CDKAL1: variants seen among roughly 807,000 people sequenced by gnomAD.
CDKAL1 encodes threonylcarbamoyladenosine tRNA methylthiotransferase.
In CDKAL1, 32 loss-of-function variants were observed where a neutral mutation model predicts 68.2. The ratio of observed to expected loss-of-function variants is 0.47; its 90% confidence interval spans 0.35 to 0.63. The LOEUF is 0.63. Among genes scored for constraint, CDKAL1 ranks in the 30% least tolerant of loss-of-function variants. The probability of loss-of-function intolerance (pLI) is 0.00; values close to 1 mark genes in which losing one functional copy is unlikely to be tolerated. For synonymous variants in CDKAL1, 234 were observed against 244.3 expected (o/e 0.96, Z 0.39); for missense variants, 606 against 696.7 (o/e 0.87, Z 1.47).
chr6:20,619,627 C>T (rs1767086733), intron 4 of CDKAL1, among the ~76,000 whole-genome samples: 1 of 152,074 alleles, frequency 6.6e-6, no homozygotes, highest in South Asian at 2.1e-4. Flanking sequence ...TTCATATATC[C>T]AATTTGACTG....
chr6:20,617,351 A>G (rs1186676826), intron 4 of CDKAL1, among the ~76,000 whole-genome samples: 3 of 152,228 alleles, frequency 2.0e-5, no homozygotes, highest in Admixed American at 6.5e-5. Context: ...TCAGTGGTTA[A>G]GTATAGCCAA....
At chr6:21,056,155 G>A (rs570321658) in intron 11 of CDKAL1, among the ~76,000 whole-genome samples, 9 of 151,972 alleles carry the variant, frequency 5.9e-5, no homozygotes, top group Non-Finnish European at 1.2e-4. Flanking sequence ...TTTGTTGGCC[G>A]AATGGAATGT....
intron 9 of CDKAL1, among the ~76,000 whole-genome samples, chr6:20,910,377 C>T (rs1229918727): frequency 1.3e-5 from 2 of 152,214 alleles, no homozygotes; most frequent in Admixed American, 1.3e-4. Flanking sequence ...AATAAAAATA[C>T]AGGAGGCTCA....
intron 4 of CDKAL1, among the ~76,000 whole-genome samples, chr6:20,636,808 G>C (rs138351850): frequency 6.6e-6 from 1 of 152,132 alleles, no homozygotes; most frequent in Non-Finnish European, 1.5e-5. Context: ...AGGCCGAGGC[G>C]GGTGGATCAT....
At chr6:20,684,943 TTTTC>T (rs1770552060) in intron 5 of CDKAL1, among the ~76,000 whole-genome samples, 1 of 152,224 alleles carries the variant, frequency 6.6e-6, no homozygotes, top group Non-Finnish European at 1.5e-5. Context: ...TTTGCAAGTA[TTTTC>T]TTTATTGCTT....
intron 9 of CDKAL1, among the ~76,000 whole-genome samples, chr6:20,926,291 C>T (rs1376338756): frequency 1.3e-5 from 2 of 152,004 alleles, no homozygotes; most frequent in Non-Finnish European, 2.9e-5. Context: ...GGTCAGTACA[C>T]TTATTTATGT....
intron 13 of CDKAL1, among the ~76,000 whole-genome samples, chr6:21,181,424 G>C (rs1777785143): frequency 6.6e-6 from 1 of 152,152 alleles, no homozygotes; most frequent in Non-Finnish European, 1.5e-5. Flanking sequence ...CTTATAAAAA[G>C]ACAAGTTCAA....
intron 15 of CDKAL1, among the ~76,000 whole-genome samples, chr6:21,209,081 A>G (rs1779051923): frequency 6.6e-6 from 1 of 152,206 alleles, no homozygotes. Flanking sequence ...GATAATAATA[A>G]TAGCTACCAT....
chr6:20,586,354 G>A (rs1023650201), intron 4 of CDKAL1, among the ~76,000 whole-genome samples: 1 of 152,082 alleles, frequency 6.6e-6, no homozygotes, highest in South Asian at 2.1e-4. Flanking sequence ...GGAAGTGCTC[G>A]GCCAGGCACA....
intron 5 of CDKAL1, among the ~76,000 whole-genome samples, chr6:20,733,304 G>A (rs1322092172): frequency 1.3e-5 from 2 of 151,918 alleles, no homozygotes; most frequent in African/African-American, 2.4e-5. Context: ...CTTCCTTCTC[G>A]CTCTAAACTG....
In CDKAL1 at chr6:20,538,984, A is replaced by G. The variant is rs1487063956; in HGVS notation, c.-6+3590A>G. ...CTTACATTGTAATGAGGAAGATACA[A>G]TTATATATGTGGTGTCAGGTAGGTA... On this transcript the variant is annotated intron_variant, in intron 2 of 15. Transcript: ENST00000274695. 2.0e-5 allele frequency among the ~76,000 whole-genome samples: 3 copies of G among 152,244 alleles called. No individual in the cohort carries two copies. In the South Asian group the frequency reaches 6.2e-4, roughly 31 times the overall value.
At chr6:21,000,663 A>G (rs1477826786) in intron 11 of CDKAL1, among the ~76,000 whole-genome samples, 4 of 152,234 alleles carry the variant, frequency 2.6e-5, no homozygotes, top group Non-Finnish European at 5.9e-5. Context: ...TGGTGGATGA[A>G]AACTGCTTTA....
At chr6:21,193,304 A>AAGAG (rs137984788) in intron 13 of CDKAL1, among the ~76,000 whole-genome samples, 16 of 150,594 alleles carry the variant, frequency 1.1e-4, no homozygotes, top group Non-Finnish European at 1.9e-4. Context: ...ACTGTTTAAA[A>AAGAG]AGAGAGAGAG....
At chr6:20,687,390 A>C (rs1244448866) in intron 5 of CDKAL1, among the ~76,000 whole-genome samples, 1 of 152,042 alleles carries the variant, frequency 6.6e-6, no homozygotes, top group African/African-American at 2.4e-5. Flanking sequence ...TTCTTCTTAC[A>C]TGAGTTTTGT....
Position 21,173,795 on chromosome 6 carries a change from C to T in CDKAL1, c.1300-24226C>T, listed in dbSNP as rs529729838. Among the ~76,000 whole-genome samples the T allele has an allele frequency of 9.9e-5, 15 of 152,284 alleles. No homozygotes were observed. The South Asian group carries it at 2.3e-3, about 23-fold the overall frequency. The stretch of plus-strand genomic sequence containing the variant: ...CATCAAAAATAAAATTAAGGTCAGA[C>T]GCAGTGACTCATGCCTGTCATCCCA... On this transcript the variant is annotated intron_variant, in intron 13 of 15. Coordinates refer to ENST00000274695, the MANE Select transcript of CDKAL1 (RefSeq NM_017774.3).
At chr6:20,892,101 A>G (rs1761440495) in intron 9 of CDKAL1, among the ~76,000 whole-genome samples, 2 of 152,168 alleles carry the variant, frequency 1.3e-5, no homozygotes, top group South Asian at 4.1e-4. Context: ...AGTTGAACTT[A>G]AATTTGGTTA....
At chr6:20,623,305 A>T (rs1375138902) in intron 4 of CDKAL1, among the ~76,000 whole-genome samples, 1 of 152,104 alleles carries the variant, frequency 6.6e-6, no homozygotes, top group East Asian at 1.9e-4. Context: ...ATCAGTATAA[A>T]AGCCAACTTT....
chr6:20,581,878 A>C (rs1344265804), intron 4 of CDKAL1, among the ~76,000 whole-genome samples: 1 of 152,208 alleles, frequency 6.6e-6, no homozygotes, highest in Non-Finnish European at 1.5e-5. Flanking sequence ...AAACTTACTT[A>C]GCTTTTAGTC....
intron 6 of CDKAL1, among the ~76,000 whole-genome samples, chr6:20,749,769 G>A (rs1014480190): frequency 2.6e-5 from 4 of 151,958 alleles, no homozygotes; most frequent in African/African-American, 7.3e-5. Flanking sequence ...AGAGGGTCTC[G>A]ATCTTCTGAC....
Sources: allele counts gnomAD v4.1 joint callset (sites outside exome capture counted in the v4.1 genomes callset), GRCh38; gene constraint gnomAD v4.1.1; transcripts MANE v1.5; gene names NCBI Gene and HGNC (gene_info 2026-07-23, HGNC 2026-07-21).